Variants in SEL1L2 observed in about 807,000 individuals in gnomAD.
The protein encoded by SEL1L2 is SEL1L2 adaptor subunit of SYVN1 ubiquitin ligase.
In SEL1L2, 89 loss-of-function variants were observed where a neutral mutation model predicts 98.8. The observed-to-expected ratio is 0.90, with a 90% confidence interval of 0.76 to 1.07. SEL1L2 has a LOEUF of 1.07. SEL1L2 is among the 50% of genes least tolerant of loss of function. The probability of loss-of-function intolerance (pLI) is 0.00; values close to 1 mark genes in which losing one functional copy is unlikely to be tolerated. For missense variants in SEL1L2, 788 were observed against 812.0 expected (o/e 0.97, Z 0.36); for synonymous variants, 262 against 278.5 (o/e 0.94, Z 0.59).
intron 1 of SEL1L2, among the ~76,000 whole-genome samples, chr20:13,963,844 C>T (rs556755626): frequency 1.4e-4 from 22 of 152,284 alleles, no homozygotes; most frequent in South Asian, 2.1e-4. Context: ...GGAATACAAA[C>T]GGCAGTCCAC....
intron 10 of SEL1L2, among the ~76,000 whole-genome samples, chr20:13,881,910 G>C (rs2046718422): frequency 6.6e-6 from 1 of 152,150 alleles, no homozygotes; most frequent in African/African-American, 2.4e-5. Context: ...AAAATAACTA[G>C]AAGAGAGGAT....
chr20:13,886,074 A>C (rs1017775121), intron 9 of SEL1L2, among the ~76,000 whole-genome samples: 2 of 152,134 alleles, frequency 1.3e-5, no homozygotes, highest in Admixed American at 6.6e-5. Flanking sequence ...AAGAAATGCA[A>C]AAAAGTTGCT....
intron 3 of SEL1L2, among the ~76,000 whole-genome samples, chr20:13,930,829 A>C (rs2049111792): frequency 6.6e-6 from 1 of 152,060 alleles, no homozygotes; most frequent in Non-Finnish European, 1.5e-5. Flanking sequence ...TCTTATTAGC[A>C]GTGATCACTT....
upstream of SEL1L2, chr20:13,995,158 C>T (rs1022302228): frequency 6.3e-6 from 1 of 157,732 alleles, no homozygotes; most frequent in African/African-American, 2.4e-5. The surrounding 1 kb of genome is among the most constrained non-coding windows in gnomAD (Gnocchi z 4.3). Context: ...CTTGGCGCAC[C>T]TGGCTCTACA....
chr20:13,967,758 C>T (rs1263007390), intron 1 of SEL1L2, among the ~76,000 whole-genome samples: 1 of 144,304 alleles, frequency 6.9e-6, no homozygotes, highest in African/African-American at 2.7e-5. Flanking sequence ...GGTATTATTG[C>T]CCCCCAACCT....
chr20:13,971,609 A>G (rs1223595933), intron 1 of SEL1L2, among the ~76,000 whole-genome samples: 1 of 129,440 alleles, frequency 7.7e-6, no homozygotes, highest in Non-Finnish European at 1.7e-5. Flanking sequence ...TTTTTTTTGT[A>G]TTTTTAGTAG....
chr20:13,897,069 C>A (rs932737328), intron 5 of SEL1L2, among the ~76,000 whole-genome samples: 3 of 152,172 alleles, frequency 2.0e-5, no homozygotes, highest in African/African-American at 7.2e-5. Context: ...ACATTTAGAC[C>A]AATGGAACAG....
intron 17 of SEL1L2, among the ~76,000 whole-genome samples, chr20:13,862,057 T>C (rs575784666): frequency 1.3e-5 from 2 of 152,340 alleles, no homozygotes; most frequent in Admixed American, 1.3e-4. Flanking sequence ...TGAGGGCAGG[T>C]ACTTCATGAG....
Position 13,862,553 on chromosome 20 carries a change from C to T in SEL1L2, c.1645+2614G>A, listed in dbSNP as rs1261493356. On this transcript the variant is annotated intron_variant, in intron 17 of 19. Transcript: ENST00000284951. Reference sequence around the variant, plus strand: ...GCATAACATCCTTTGGAATTTATTCCTTTAGGTACCGAAGTTCTAATCTTC... The same window carrying T: ...GCATAACATCCTTTGGAATTTATTCTTTTAGGTACCGAAGTTCTAATCTTC... 2.0e-5 allele frequency among the ~76,000 whole-genome samples: 3 copies of T among 152,132 alleles called. No homozygotes were observed. In the East Asian group the frequency reaches 5.8e-4, roughly 29 times the overall value.
rs1407573236 is a variant in SEL1L2 at position 13,865,389 on chromosome 20, A to T, written c.1530T>A (p.Tyr510Ter). 1.2e-6 allele frequency: 2 copies of T among 1,614,182 alleles called. No homozygotes were observed. The highest frequency in any genetic ancestry group is 1.7e-6 in the Non-Finnish European group (2 of 1,180,014). The change falls in exon 16 of 20, where the codon TAT (tyrosine) becomes TAA (stop). Residue 510 changes from tyrosine (Y) to a stop codon, truncating the protein, a stop_gained. Transcript: ENST00000284951. LOFTEE classifies it high-confidence loss of function. ...ATGCTGAATTGCTTTGAGCTACTTC[A>T]TACCCCATTTCTGCAAGCAGTGCAT... is the stretch of plus-strand genomic sequence containing the variant. ...VQYALLAEMGYEVAQSNSAFI... is the reference protein window; with the variant it reads ...VQYALLAEMG
chr20:13,922,709 AT>A (rs1426330594), intron 3 of SEL1L2, among the ~76,000 whole-genome samples: 1 of 152,114 alleles, frequency 6.6e-6, no homozygotes, highest in Non-Finnish European at 1.5e-5. Flanking sequence ...TCACTTGTTA[AT>A]TTTTTTTAGC....
At chr20:13,968,941 T>C (rs890189564) in intron 1 of SEL1L2, among the ~76,000 whole-genome samples, 1 of 152,240 alleles carries the variant, frequency 6.6e-6, no homozygotes, top group Non-Finnish European at 1.5e-5. Flanking sequence ...ATGGATATAT[T>C]GACTTAGTTA....
chr20:13,875,296 G>A (rs1205430379), intron 12 of SEL1L2, among the ~76,000 whole-genome samples: 1 of 152,172 alleles, frequency 6.6e-6, no homozygotes, highest in Admixed American at 6.5e-5. Context: ...GTAGAAATGG[G>A]GTTTCACCAT....
In SEL1L2 at chr20:13,869,594, C is replaced by CAAGATAATT; in HGVS notation, c.1168-13_1168-5dup. ...ATTTAAGTGCTTCGGCATAATTCTG[C>CAAGATAATT]AAGATAATTACACTCTATTACTCAA... On this transcript the variant is annotated splice_polypyrimidine_tract_variant and splice_region_variant and intron_variant, in intron 13 of 19. Transcript: ENST00000284951. 6.2e-7 allele frequency: 1 copy of CAAGATAATT among 1,612,318 alleles called. No individual in the cohort carries two copies. Among genetic ancestry groups the CAAGATAATT allele is most frequent in the Non-Finnish European group, 8.5e-7 (1 of 1,178,404 alleles).
At chr20:13,908,144 G>T (rs374871354) in intron 5 of SEL1L2, among the ~76,000 whole-genome samples, 84 of 49,472 alleles carry the variant, frequency 1.7e-3, no homozygotes, top group African/African-American at 5.7e-3. Context: ...TTGAGACAGG[G>T]TTTTGCTCTG....
Position 13,877,530 on chromosome 20 carries a change from A to T in SEL1L2, c.1016T>A (p.Phe339Tyr). ...AKAGSANAMA[F>Y]IGKMYLEGNA... ...AGATGAAGCATGTACCTTTCCTATA[A>T]ATGCCATGGCATTTGCACTCCCGGC... is the stretch of plus-strand genomic sequence containing the variant. Residue 339 changes from phenylalanine to tyrosine, a missense_variant, in exon 11 of 20, where the codon TTT becomes TAT. Coordinates refer to ENST00000284951, the MANE Select transcript of SEL1L2 (RefSeq NM_025229.2). 6.2e-7 allele frequency: 1 copy of T among 1,611,212 alleles called. No individual in the cohort carries two copies. Among genetic ancestry groups the T allele is most frequent in the Non-Finnish European group, 8.5e-7 (1 of 1,177,786 alleles).
At chr20:13,935,192 T>C (rs1600821049) in intron 2 of SEL1L2, among the ~76,000 whole-genome samples, 1 of 152,116 alleles carries the variant, frequency 6.6e-6, no homozygotes, top group South Asian at 2.1e-4. Flanking sequence ...TTAGGGAGCC[T>C]TGGAAGACAG....
At chr20:13,956,161 T>G (rs1385926105) in intron 1 of SEL1L2, 30 bp from the exon 2 acceptor site, 2 of 1,182,316 alleles carry the variant, frequency 1.7e-6, no homozygotes, top group Non-Finnish European at 2.4e-6. Context: ...TTTATAAAAT[T>G]TAAAAGCATT....
chr20:13,854,534 C>T (rs1485743574), intron 18 of SEL1L2, among the ~76,000 whole-genome samples: 1 of 152,086 alleles, frequency 6.6e-6, no homozygotes, highest in Non-Finnish European at 1.5e-5. Context: ...TGTGCGTGTG[C>T]CTATACATGA....
Sources: allele counts gnomAD v4.1 joint callset (sites outside exome capture counted in the v4.1 genomes callset), GRCh38; gene constraint gnomAD v4.1.1; non-coding constraint Gnocchi (gnomAD v3.1); transcripts MANE v1.5; gene names NCBI Gene and HGNC (gene_info 2026-07-23, HGNC 2026-07-21).